CERCAM: variants seen among roughly 807,000 people sequenced by gnomAD.
CERCAM encodes inactive glycosyltransferase 25 family member 3.
A neutral mutation model predicts 66.0 loss-of-function variants in CERCAM; 59 were observed. That is an observed-to-expected ratio of 0.89 (90% CI 0.73 to 1.11). The LOEUF is 1.11. Ranked by LOEUF, CERCAM falls within the 50% of genes most tolerant of loss-of-function variation. The probability of loss-of-function intolerance (pLI) is 0.00; values close to 1 mark genes in which losing one functional copy is unlikely to be tolerated. For missense variants in CERCAM, 840 were observed against 828.3 expected, an observed-to-expected ratio of 1.01 and a Z score of -0.17; for synonymous variants, 318 against 343.6, an observed-to-expected ratio of 0.93 and a Z score of 0.83.
chr9:128,434,339 G>C lies in CERCAM; in HGVS notation c.1332-71G>C. The C allele has an allele frequency of 6.2e-7, 1 of 1,604,380 alleles. No individual in the cohort carries two copies. Reference sequence around the variant, plus strand: ...ATCCCCTGAGAGCCTGGCCCTGTAGGAGCGGGTGTGGGAGGGTCCCATGAC... The same window carrying C: ...ATCCCCTGAGAGCCTGGCCCTGTAGCAGCGGGTGTGGGAGGGTCCCATGAC... On this transcript the variant is annotated intron_variant, in intron 10 of 12. Transcript: ENST00000372838. This position sits in a 1 kb window ranked among gnomAD's most constrained non-coding sequence, Gnocchi z 4.5.
rs1448080901 is a variant in CERCAM, at chr9:128,435,637, T to C, written c.1536-16T>C. 1 of 1,584,468 alleles carries C rather than the reference T, an allele frequency of 6.3e-7. No individual in the cohort carries two copies. The highest frequency in any genetic ancestry group is 8.6e-7 in the Non-Finnish European group (1 of 1,161,402). The stretch of plus-strand genomic sequence containing the variant: ...GGCCCGCCTCAATCCCCCTGAGCTA[T>C]CCTCTCACCTTACAGCGAGCAGTAC... On this transcript the variant is annotated splice_polypyrimidine_tract_variant and intron_variant, in intron 11 of 12. Coordinates refer to ENST00000372838, the MANE Select transcript of CERCAM (RefSeq NM_016174.5).
chr9:128,431,350 G>A, intron 9 of CERCAM, 47 bp downstream of exon 9: 1 of 1,609,844 alleles, frequency 6.2e-7, no homozygotes, highest in Non-Finnish European at 8.5e-7. Context: ...GGAGAACGGG[G>A]CCAGTTTGTT....
chr9:128,421,195 C>A, intron 1 of CERCAM, 121 bp downstream of exon 1: 1 of 1,238,352 alleles, frequency 8.1e-7, no homozygotes, highest in Non-Finnish European at 1.0e-6. Flanking sequence ...CAGGCCCCTC[C>A]CCTCACAGAC....
In CERCAM at chr9:128,431,216, C is replaced by T; in HGVS notation, c.1116C>T (p.Leu372=). 3.1e-6 allele frequency: 5 copies of T among 1,614,058 alleles called. No homozygotes were observed. The highest frequency in any genetic ancestry group is 4.2e-6 in the Non-Finnish European group (5 of 1,180,014). ...TCAGGAACCTCGGCGTAGACCTGCT[C>T]CCGGGCTACCAGGACCCTTACTCGG... ...SAIRNLGVDL[L]PGYQDPYSGR... is the part of the protein sequence containing the mutation. Residue 372 remains leucine (L), a synonymous_variant, in exon 9 of 13, where the codon CTC becomes CTT. Transcript: ENST00000372838.
chr9:128,431,140 C>A (rs749416623), intron 8 of CERCAM, 31 bp from the exon 9 acceptor site: 7 of 1,608,968 alleles, frequency 4.4e-6, no homozygotes, highest in Non-Finnish European at 5.9e-6. Flanking sequence ...CTGGCAGGCA[C>A]CCCTCACCCC....
At chr9:128,428,088 C>G (rs1398565550) in intron 5 of CERCAM, among the ~76,000 whole-genome samples, 1 of 152,188 alleles carries the variant, frequency 6.6e-6, no homozygotes, top group African/African-American at 2.4e-5. Context: ...GTGCCCTGGA[C>G]AGGTATATTG....
intron 5 of CERCAM, among the ~76,000 whole-genome samples, chr9:128,425,961 T>C (rs1207190907): frequency 6.6e-6 from 1 of 151,314 alleles, no homozygotes; most frequent in Non-Finnish European, 1.5e-5. Flanking sequence ...CACACCACCA[T>C]GCCCAGCTAA....
Position 128,424,371 on chromosome 9 carries a change from G to A in CERCAM, c.562-39G>A, listed in dbSNP as rs773005627. 4 of 1,612,806 alleles carry A rather than the reference G, an allele frequency of 2.5e-6. No homozygotes were observed. The South Asian group carries it at 3.3e-5, about 13-fold the overall frequency. On this transcript the variant is annotated intron_variant, in intron 4 of 12. Transcript: ENST00000372838. Reference sequence around the variant, plus strand: ...CCTTGGGGTCTGTGGGCAGGGGCAGGGGAGCCCTCTCACAGCCCAAAGCAT... The same window carrying A: ...CCTTGGGGTCTGTGGGCAGGGGCAGAGGAGCCCTCTCACAGCCCAAAGCAT...
At chr9:128,429,206 C>A (rs1463238159) in intron 8 of CERCAM, among the ~76,000 whole-genome samples, 170 bp downstream of exon 8, 1 of 152,112 alleles carries the variant, frequency 6.6e-6, no homozygotes, top group South Asian at 2.1e-4. Flanking sequence ...AGCAGACACA[C>A]GTGGGAGAAG....
chr9:128,436,025 T>G (rs567988229), intron 12 of CERCAM, 120 bp downstream of exon 12: 1 of 1,111,484 alleles, frequency 9.0e-7, no homozygotes, highest in East Asian at 2.6e-5. Context: ...CCTCTCCATC[T>G]CTAGCTTTGC....
At chr9:128,433,131 T>A (rs1323846812) in intron 9 of CERCAM, among the ~76,000 whole-genome samples, 1 of 151,780 alleles carries the variant, frequency 6.6e-6, no homozygotes, top group Non-Finnish European at 1.5e-5. Flanking sequence ...TACAAAAAAA[T>A]TAGCCAGGCG....
At chr9:128,428,679 G>C in intron 6 of CERCAM, 78 bp from the exon 7 acceptor site, 1 of 1,504,048 alleles carries the variant, frequency 6.6e-7, no homozygotes, top group Non-Finnish European at 9.2e-7. Context: ...CAGGAATGAG[G>C]CTGGGGGCTA....
chr9:128,424,512 C>A lies in CERCAM; in HGVS notation c.664C>A (p.Arg222=), dbSNP rs374569794. ...CCACTCCACCTTCCTTGCATCCCTG[C>A]GGGCTGAAGGGGCAGACCAGCTTGC... ...MVHSTFLASL[R]AEGADQLAFY... Residue 222 remains arginine, a synonymous_variant, in exon 5 of 13, where the codon CGG becomes AGG. Transcript: ENST00000372838. 5 of 1,614,096 alleles carry A rather than the reference C, an allele frequency of 3.1e-6. No individual in the cohort carries two copies. The South Asian group carries it at 3.3e-5, about 11-fold the overall frequency.
rs371084815 is a variant in CERCAM at position 128,434,053 on chromosome 9, G to A, written c.1204-49G>A. The A allele has an allele frequency of 8.5e-5, 137 of 1,604,422 alleles. No individual in the cohort carries two copies. In the Middle Eastern group the frequency reaches 1.5e-3, roughly 18 times the overall value. ...TGTGAGCTTCAGCGTGGAGGGAGGG[G>A]GGTTGTTTAACTCCGAAGAGCCATC... On this transcript the variant is annotated intron_variant, in intron 9 of 12. Coordinates refer to ENST00000372838, the MANE Select transcript of CERCAM (RefSeq NM_016174.5). This position sits in a 1 kb window ranked among gnomAD's most constrained non-coding sequence, Gnocchi z 4.5.
Position 128,424,417 on chromosome 9 carries a change from A to ACCG in CERCAM, c.574_576dup (p.Arg192dup). ...AGCATCCCTTTTCCCCAGGGCTACTACCGCCGCACAGCCGAGTACTTCCCC... is the reference window on the plus strand; with the variant it reads ...AGCATCCCTTTTCCCCAGGGCTACTACCGCCGCCGCACAGCCGAGTACTTCCCC... On this transcript the variant is annotated inframe_insertion, in exon 5 of 13. Coordinates refer to ENST00000372838, the MANE Select transcript of CERCAM (RefSeq NM_016174.5). The ACCG allele has an allele frequency of 6.2e-7, 1 of 1,613,814 alleles. No homozygotes were observed. The highest frequency in any genetic ancestry group is 8.5e-7 in the Non-Finnish European group (1 of 1,179,982).
At chr9:128,420,836 C>G (rs1478143832), upstream of CERCAM, 18 of 1,065,760 alleles carry the variant, frequency 1.7e-5, no homozygotes, top group South Asian at 4.4e-4. The surrounding 1 kb of genome is among the most constrained non-coding windows in gnomAD (Gnocchi z 5.0). Flanking sequence ...CTCGGCCGGC[C>G]CGAGAGCTCC....
intron 8 of CERCAM, 139 bp downstream of exon 8, chr9:128,429,175 T>A: frequency 3.1e-6 from 2 of 635,612 alleles, no homozygotes; most frequent in African/African-American, 3.7e-5. Context: ...GTCTGAGTAA[T>A]ATCCTCTCAG....
chr9:128,422,899 A>G lies in CERCAM; in HGVS notation c.229A>G (p.Thr77Ala), dbSNP rs1347948497. ...CACGGACCACAATGTGGACAACACC[A>G]CAGAGATGCTGCAGGAGTGGCTGGC... ...CATDHNVDNT[T>A]EMLQEWLAAV... Residue 77 changes from threonine to alanine, a missense_variant, in exon 2 of 13, where the codon ACA becomes GCA. Physicochemically the swap from Thr to Ala is moderately conservative, Grantham distance 58. Transcript: ENST00000372838. 1.2e-6 allele frequency: 2 copies of G among 1,614,134 alleles called. No individual in the cohort carries two copies. Among genetic ancestry groups the G allele is most frequent in the Non-Finnish European group, 1.7e-6 (2 of 1,180,012 alleles).
intron 3 of CERCAM, 34 bp from the exon 4 acceptor site, chr9:128,424,104 C>G: frequency 1.2e-6 from 2 of 1,604,318 alleles, no homozygotes; most frequent in Non-Finnish European, 1.7e-6. Flanking sequence ...GCAGCCCAGG[C>G]AGGGCTGGAG....
Sources: gnomAD v4.1 joint callset for allele counts (sites outside exome capture counted in the v4.1 genomes callset) on GRCh38, gnomAD v4.1.1 for gene constraint, Gnocchi (gnomAD v3.1) non-coding constraint, MANE v1.5 for transcripts, NCBI Gene and HGNC (gene_info 2026-07-23, HGNC 2026-07-21) for gene names.